Variants in XPO1 observed in about 807,000 individuals in gnomAD.
XPO1 encodes the protein exportin-1.
In XPO1, 5 loss-of-function variants were observed where a neutral mutation model predicts 133.3. The ratio of observed to expected loss-of-function variants is 0.04; its 90% CI spans 0.02 to 0.08. The LOEUF is 0.08. XPO1 is among the 10% of genes least tolerant of loss of function. XPO1 has a pLI of 1.00. For missense variants in XPO1, 506 were observed against 1,267.5 expected, an observed-to-expected ratio of 0.40 and a Z score of 9.12; for synonymous variants, 419 against 408.2, an observed-to-expected ratio of 1.03 and a Z score of -0.32.
At chr2:61,488,018 C>A (rs1008906752) in intron 19 of XPO1, 147 bp downstream of exon 19, 27 of 660,636 alleles carry the variant, frequency 4.1e-5, no homozygotes, top group Non-Finnish European at 6.0e-5. Flanking sequence ...AGTATATTAA[C>A]GTAAGGACTA....
intron 4 of XPO1, among the ~76,000 whole-genome samples, chr2:61,514,319 G>A (rs1282246940): frequency 2.0e-5 from 3 of 152,118 alleles, no homozygotes; most frequent in South Asian, 2.1e-4. Context: ...AAGGCTGGGC[G>A]TGGTGGCTCA....
intron 7 of XPO1, 96 bp from the exon 8 acceptor site, chr2:61,499,009 C>T: frequency 3.7e-6 from 5 of 1,357,088 alleles, no homozygotes; most frequent in Middle Eastern, 2.7e-4. Flanking sequence ...AAGCCCAGTA[C>T]AGTGGCTCAT....
chr2:61,482,683 G>T, intron 22 of XPO1, 144 bp from the exon 23 acceptor site: 1 of 843,450 alleles, frequency 1.2e-6, no homozygotes, highest in Non-Finnish European at 1.8e-6. Flanking sequence ...TTAGTTCACT[G>T]CAACCTCTGC....
At chr2:61,515,462 G>A (rs947305781) in intron 4 of XPO1, among the ~76,000 whole-genome samples, 4 of 152,116 alleles carry the variant, frequency 2.6e-5, no homozygotes, top group South Asian at 2.1e-4. Context: ...TATTTCAGAA[G>A]GTTCAGGATA....
intron 17 of XPO1, 47 bp from the exon 18 acceptor site, chr2:61,488,818 A>G: frequency 6.3e-7 from 1 of 1,592,070 alleles, no homozygotes; most frequent in Non-Finnish European, 8.6e-7. Context: ...AGAATTATCC[A>G]CGGCTGGGAA....
chr2:61,490,513 TAGAA>T, intron 17 of XPO1, 125 bp downstream of exon 17: 1 of 1,316,028 alleles, frequency 7.6e-7, no homozygotes, highest in Non-Finnish European at 1.1e-6. Context: ...TAATAAATTA[TAGAA>T]AGACACACAT....
At chr2:61,521,198 A>C (rs1381363031) in intron 4 of XPO1, among the ~76,000 whole-genome samples, 1 of 152,234 alleles carries the variant, frequency 6.6e-6, no homozygotes, top group Non-Finnish European at 1.5e-5. Flanking sequence ...TTCTTAAAAA[A>C]AGACACTGGC....
At chr2:61,534,825 T>A (rs1699292457) in intron 1 of XPO1, 1 of 152,208 alleles carries the variant, frequency 6.6e-6, no homozygotes, top group Non-Finnish European at 1.5e-5. Context: ...CAGAAATAAC[T>A]TAGCTTCTAC....
Position 61,495,664 on chromosome 2 carries a change from G to T in XPO1, c.889-51C>A. ...GTTCGCATTTTATAAAACAACTAAAGACACTTAATATTTTATTATTATTTT... is the reference window on the plus strand; with the variant it reads ...GTTCGCATTTTATAAAACAACTAAATACACTTAATATTTTATTATTATTTT... On this transcript the variant is annotated intron_variant, in intron 10 of 24. Transcript: ENST00000401558. The T allele has an allele frequency of 4.8e-6, 7 of 1,464,388 alleles. No homozygotes were observed. In the South Asian group the frequency reaches 8.5e-5, roughly 18 times the overall value. 90.7% of individuals were successfully genotyped at this position (1,464,388 alleles called of 1,614,324 possible). A position where few individuals can be genotyped will look rare whatever the true frequency, so the allele number is the denominator to read the frequency against.
chr2:61,510,767 T>C (rs1057416713), intron 4 of XPO1, among the ~76,000 whole-genome samples: 3 of 151,706 alleles, frequency 2.0e-5, no homozygotes, highest in African/African-American at 7.3e-5. Flanking sequence ...CGAGACCCCA[T>C]CTCTACAAAA....
At chr2:61,521,663 A>T (rs1698695108) in intron 4 of XPO1, among the ~76,000 whole-genome samples, 1 of 152,182 alleles carries the variant, frequency 6.6e-6, no homozygotes, top group African/African-American at 2.4e-5. Context: ...CTTCCAAGGC[A>T]TTCCCAGAAC....
intron 3 of XPO1, chr2:61,525,988 A>G: frequency 2.8e-6 from 3 of 1,059,732 alleles, no homozygotes; most frequent in Non-Finnish European, 3.4e-6. Flanking sequence ...ATAAAAACTG[A>G]GTGCTGTCCC....
At position 61,523,365 on chromosome 2, in the gene XPO1, A is replaced by G. The variant is rs74381753; in HGVS notation, c.229-682T>C. Among the ~76,000 whole-genome samples the G allele has an allele frequency of 1.5e-4, 23 of 152,372 alleles. 1 individual carries two copies. In the East Asian group the frequency reaches 4.0e-3, roughly 27 times the overall value. On this transcript the variant is annotated intron_variant, in intron 3 of 24. Coordinates refer to ENST00000401558, the MANE Select transcript of XPO1 (RefSeq NM_003400.4). ...TATTTCTTCCTAAATACTGAAAGTT[A>G]TAACTAAAAGTATAAAAAATTAAAA...
chr2:61,499,660 T>C (rs1394962302), intron 7 of XPO1, 53 bp downstream of exon 7: 8 of 1,479,442 alleles, frequency 5.4e-6, no homozygotes, highest in African/African-American at 1.4e-5. Flanking sequence ...TCCAAACTGC[T>C]TGAAATTGTT....
intron 24 of XPO1, among the ~76,000 whole-genome samples, chr2:61,479,931 C>T (rs1228924201): frequency 2.6e-5 from 4 of 152,068 alleles, no homozygotes; most frequent in African/African-American, 4.8e-5. Flanking sequence ...GTGTTATGAT[C>T]TCAGCTCACT....
Position 61,522,642 on chromosome 2 carries a change from C to T in XPO1, c.270G>A (p.Arg90=), listed in dbSNP as rs2104751249. The change falls in exon 4 of 25, where the codon AGG becomes AGA. Residue 90 remains arginine, a synonymous_variant. Transcript: ENST00000401558. ...LQILENVIKT[R]WKILPRNQCE... Reference sequence around the variant, plus strand: ...ACTGGTTCCTTGGAAGAATCTTCCACCTTGTTTTTATCACATTTTCCAAAA... The same window carrying T: ...ACTGGTTCCTTGGAAGAATCTTCCATCTTGTTTTTATCACATTTTCCAAAA... 6.2e-7 allele frequency: 1 copy of T among 1,613,868 alleles called. No homozygotes were observed. Among genetic ancestry groups the T allele is most frequent in the Non-Finnish European group, 8.5e-7 (1 of 1,179,868 alleles).
chr2:61,514,995 A>C (rs1035162467), intron 4 of XPO1, among the ~76,000 whole-genome samples: 1 of 150,504 alleles, frequency 6.6e-6, no homozygotes, highest in East Asian at 2.0e-4. Context: ...CTTGAACCCG[A>C]GAGCCAGAGG....
At chr2:61,535,130 G>A (rs1055688575) in intron 1 of XPO1, among the ~76,000 whole-genome samples, 2 of 152,210 alleles carry the variant, frequency 1.3e-5, no homozygotes, top group Non-Finnish European at 2.9e-5. Flanking sequence ...ACTCTAAGAT[G>A]CTGGCACACA....
intron 4 of XPO1, among the ~76,000 whole-genome samples, chr2:61,513,182 C>A (rs1380958152): frequency 6.6e-6 from 1 of 151,812 alleles, no homozygotes; most frequent in Non-Finnish European, 1.5e-5. Flanking sequence ...ACCTCAGCTT[C>A]CTGGCAGTCG....
Sources: allele counts gnomAD v4.1 joint callset (sites outside exome capture counted in the v4.1 genomes callset), GRCh38; gene constraint gnomAD v4.1.1; transcripts MANE v1.5; gene names NCBI Gene and HGNC (gene_info 2026-07-23, HGNC 2026-07-21).